Variants in AGXT observed in about 807,000 individuals in gnomAD.
AGXT encodes the protein L-alanine: glyoxylate aminotransferase 1.
AGXT carries 41 observed loss-of-function variants against 46.9 expected under a neutral mutation model. The ratio of observed to expected loss-of-function variants is 0.88; its 90% confidence interval spans 0.68 to 1.14. The LOEUF (loss-of-function observed/expected upper bound fraction) is 1.14, where lower values mean the gene tolerates loss of function less well. Ranked by LOEUF, AGXT falls within the 50% of genes most tolerant of loss-of-function variation. AGXT has a pLI of 0.00. For synonymous variants in AGXT, 244 were observed against 227.9 expected, an observed-to-expected ratio of 1.07 and a Z score of -0.64; for missense variants, 525 against 522.7, an observed-to-expected ratio of 1.00 and a Z score of -0.04.
chr2:240,872,524 G>T (rs1490688638), intron 4 of AGXT, among the ~76,000 whole-genome samples: 1 of 152,100 alleles, frequency 6.6e-6, no homozygotes, highest in African/African-American at 2.4e-5. Flanking sequence ...TGCTTGGGCT[G>T]TTCTGGGACT....
intron 8 of AGXT, among the ~76,000 whole-genome samples, chr2:240,876,641 T>G (rs1357140398): frequency 2.0e-5 from 3 of 152,224 alleles, no homozygotes; most frequent in Non-Finnish European, 4.4e-5. Flanking sequence ...ATCCCCGGGC[T>G]GCAGCCAGCT....
chr2:240,871,435 G>T lies in AGXT; in HGVS notation c.510G>T (p.Gly170=), dbSNP rs965707125. ...TGVLQPLDGF[G]ELCHRYKCLL... is the part of the protein sequence containing the mutation. ...TGCTGCAGCCCCTTGATGGCTTCGGGGAACTCTGCCACAGGTGAGCCTGGC... is the reference window on the plus strand; with the variant it reads ...TGCTGCAGCCCCTTGATGGCTTCGGTGAACTCTGCCACAGGTGAGCCTGGC... The change falls in exon 4 of 11, where the codon GGG becomes GGT. Residue 170 remains glycine, a synonymous_variant. Coordinates refer to ENST00000307503, the MANE Select transcript of AGXT (RefSeq NM_000030.3). 6 of 1,592,194 alleles carry T rather than the reference G, an allele frequency of 3.8e-6. No individual in the cohort carries two copies. Among genetic ancestry groups the T allele is most frequent in the Non-Finnish European group, 5.1e-6 (6 of 1,169,910 alleles).
Position 240,879,150 on chromosome 2 carries a change from G to A in AGXT, c.*329G>A. The stretch of plus-strand genomic sequence containing the variant: ...TGGGGTGGTCTGTGAAAGAGTGAGA[G>A]GAGAGCATCTCTGCTCCCTGAGCTG... On this transcript the variant is annotated 3_prime_UTR_variant, in exon 11 of 11. Coordinates refer to ENST00000307503, the MANE Select transcript of AGXT (RefSeq NM_000030.3). The A allele has an allele frequency of 2.2e-6, 1 of 450,074 alleles. No homozygotes were observed. The highest frequency in any genetic ancestry group is 4.1e-6 in the Non-Finnish European group (1 of 243,132). 27.9% of individuals were successfully genotyped at this position (450,074 alleles called of 1,614,324 possible). A position where few individuals can be genotyped will look rare whatever the true frequency, so the allele number is the denominator to read the frequency against.
In AGXT at chr2:240,878,024, G is replaced by T. The variant is rs372529853; in HGVS notation, c.945G>T (p.Ala315=). The T allele has an allele frequency of 6.2e-7, 1 of 1,611,330 alleles. No homozygotes were observed. Among genetic ancestry groups the T allele is most frequent in the Non-Finnish European group, 8.5e-7 (1 of 1,179,978 alleles). Residue 315 remains alanine, a splice_region_variant and synonymous_variant, in exon 10 of 11, where the codon GCG becomes GCT. Coordinates refer to ENST00000307503, the MANE Select transcript of AGXT (RefSeq NM_000030.3). ...LGLQLFVKDP[A]LRLPTVTTVA... ...ACTGAGCCAGGCCCCTCCTGCAGGCGCTCCGGCTTCCCACAGTCACCACTG... is the reference window on the plus strand; with the variant it reads ...ACTGAGCCAGGCCCCTCCTGCAGGCTCTCCGGCTTCCCACAGTCACCACTG...
intron 9 of AGXT, 40 bp downstream of exon 9, chr2:240,877,672 G>C (rs1181121875): frequency 1.3e-6 from 2 of 1,542,664 alleles, no homozygotes; most frequent in Admixed American, 3.9e-5. Flanking sequence ...TGCACCCATG[G>C]GGAAGGATGA....
At chr2:240,871,133 C>T (rs921308291) in intron 3 of AGXT, 13 of 615,164 alleles carry the variant, frequency 2.1e-5, no homozygotes, top group Non-Finnish European at 3.8e-5. Flanking sequence ...GCTGGGGGCA[C>T]CCTCCTCCAT....
Position 240,880,354 on chromosome 2 carries a change from C to G in AGXT, c.*1533C>G, listed in dbSNP as rs1311707892. The G allele has an allele frequency of 1.3e-5, 2 of 152,002 alleles. No individual in the cohort carries two copies. Among genetic ancestry groups the G allele is most frequent in the Non-Finnish European group, 2.9e-5 (2 of 68,018 alleles). 9.4% of individuals were successfully genotyped at this position (152,002 alleles called of 1,614,324 possible). ...GTTTTAGTTTGCATTTCCCTGATGC[C>G]TATTGATGTTGAGCAACTTCTCATG... On this transcript the variant is annotated 3_prime_UTR_variant, in exon 11 of 11. Coordinates refer to ENST00000307503, the MANE Select transcript of AGXT (RefSeq NM_000030.3).
chr2:240,878,270 C>A, intron 10 of AGXT, 120 bp downstream of exon 10: 2 of 1,418,468 alleles, frequency 1.4e-6, no homozygotes, highest in African/African-American at 1.4e-5. Flanking sequence ...ATTGCAGGAG[C>A]GTCCAGAAGG....
intron 10 of AGXT, among the ~76,000 whole-genome samples, chr2:240,878,384 C>T (rs963474733): frequency 2.6e-5 from 4 of 152,254 alleles, no homozygotes; most frequent in African/African-American, 9.6e-5. Context: ...CCACTCGGAA[C>T]ATCCTTCCTT....
At chr2:240,870,819 C>T in intron 3 of AGXT, 111 bp downstream of exon 3, 2 of 1,094,110 alleles carry the variant, frequency 1.8e-6, no homozygotes, top group South Asian at 2.9e-5. Flanking sequence ...GGCCGGGAGG[C>T]TGGTGGCTGA....
chr2:240,875,917 C>T lies in AGXT; in HGVS notation c.777-18C>T, dbSNP rs1367920511. 1 of 1,613,938 alleles carries T rather than the reference C, an allele frequency of 6.2e-7. No individual in the cohort carries two copies. The highest frequency in any genetic ancestry group is 1.3e-5 in the African/African-American group (1 of 74,940). ...ACCCTGCCCATGGTGCTGGACCAAG[C>T]CCCCTCGTGTCTTCCAGGTACCATC... On this transcript the variant is annotated intron_variant, in intron 7 of 10. Coordinates refer to ENST00000307503, the MANE Select transcript of AGXT (RefSeq NM_000030.3).
chr2:240,875,786 G>A (rs2059021501), intron 7 of AGXT, 149 bp from the exon 8 acceptor site: 1 of 886,250 alleles, frequency 1.1e-6, no homozygotes, highest in Admixed American at 2.1e-5. Context: ...CCGGTCCAAA[G>A]TTCTGAACCC....
rs1471002630 is a variant in AGXT at position 240,879,254 on chromosome 2, C to G, written c.*433C>G. ...TCCTCCCCTGGAGGAGGTGCTGTCA[C>G]CACACTCTAGCCCCAGATGTCACAC... is the stretch of plus-strand genomic sequence containing the variant. On this transcript the variant is annotated 3_prime_UTR_variant, in exon 11 of 11. Coordinates refer to ENST00000307503, the MANE Select transcript of AGXT (RefSeq NM_000030.3). The G allele has an allele frequency of 7.1e-5, 19 of 265,918 alleles. No homozygotes were observed. The Admixed American group carries it at 9.7e-4, about 14-fold the overall frequency. The allele number at this position is 265,918 out of a possible 1,614,324, so 16.5% of individuals were successfully genotyped here.
Position 240,874,021 on chromosome 2 carries a change from C to A in AGXT, c.639C>A (p.Ala213=). 1 of 1,613,766 alleles carries A rather than the reference C, an allele frequency of 6.2e-7. No homozygotes were observed. The highest frequency in any genetic ancestry group is 8.5e-7 in the Non-Finnish European group (1 of 1,180,034). ...LYSGSQKALN[A]PPGTSLISFS... Reference sequence around the variant, plus strand: ...CGGGCTCCCAGAAGGCCCTGAACGCCCCTCCAGGGACCTCGCTCATCTCCT... The same window carrying A: ...CGGGCTCCCAGAAGGCCCTGAACGCACCTCCAGGGACCTCGCTCATCTCCT... Residue 213 remains alanine (A), a synonymous_variant, in exon 6 of 11, where the codon GCC becomes GCA. Coordinates refer to ENST00000307503, the MANE Select transcript of AGXT (RefSeq NM_000030.3).
At position 240,871,391 on chromosome 2, in the gene AGXT, G is replaced by C. The variant is rs121908530; in HGVS notation, c.466G>C (p.Gly156Arg). 6.2e-7 allele frequency: 1 copy of C among 1,600,366 alleles called. No individual in the cohort carries two copies. The highest frequency in any genetic ancestry group is 8.5e-7 in the Non-Finnish European group (1 of 1,174,280). Residue 156 changes from glycine to arginine, a missense_variant, in exon 4 of 11, where the codon GGG becomes CGG. By Grantham distance (125) the Gly-to-Arg change is moderately radical. Coordinates refer to ENST00000307503, the MANE Select transcript of AGXT (RefSeq NM_000030.3). ...HKPVLLFLTH[G>R]ESSTGVLQPL... The stretch of plus-strand genomic sequence containing the variant: ...GCCAGTGCTGCTGTTCTTAACCCAC[G>C]GGGAGTCGTCCACCGGCGTGCTGCA...
In AGXT at chr2:240,875,998, G is replaced by C. The variant is rs143295006; in HGVS notation, c.840G>C (p.Ala280=). 7 of 1,613,960 alleles carry C rather than the reference G, an allele frequency of 4.3e-6. No individual in the cohort carries two copies. The African/African-American group carries it at 6.7e-5, about 15-fold the overall frequency. The change falls in exon 8 of 11, where the codon GCG becomes GCC. Residue 280 remains alanine (A), a synonymous_variant. Coordinates refer to ENST00000307503, the MANE Select transcript of AGXT (RefSeq NM_000030.3). Reference sequence around the variant, plus strand: ...TGAGAGAGAGCCTGGCCCTCATTGCGGAACAGGTGCATGGGCTGCACTCCA... The same window carrying C: ...TGAGAGAGAGCCTGGCCCTCATTGCCGAACAGGTGCATGGGCTGCACTCCA... ...YSLRESLALI[A]EQGLENSWRQ...
intron 4 of AGXT, among the ~76,000 whole-genome samples, 188 bp downstream of exon 4, chr2:240,871,637 C>G (rs1204570604): frequency 6.6e-6 from 1 of 152,210 alleles, no homozygotes; most frequent in Non-Finnish European, 1.5e-5. Context: ...CCCCAGGTCC[C>G]AGGGCAGGCT....
chr2:240,880,150 G>A lies in AGXT; in HGVS notation c.*1329G>A, dbSNP rs1324644759. 6.6e-6 allele frequency: 1 copy of A among 152,162 alleles called. No individual in the cohort carries two copies. 9.4% of individuals were successfully genotyped at this position (152,162 alleles called of 1,614,324 possible). A position where few individuals can be genotyped will look rare whatever the true frequency, so the allele number is the denominator to read the frequency against. On this transcript the variant is annotated 3_prime_UTR_variant, in exon 11 of 11. Coordinates refer to ENST00000307503, the MANE Select transcript of AGXT (RefSeq NM_000030.3). The stretch of plus-strand genomic sequence containing the variant: ...TTCATTTTTCTTGGATAAATAACTA[G>A]GAGTGGAATTGCAGGGTCATACAAT...
chr2:240,878,636 T>G, intron 10 of AGXT, 78 bp from the exon 11 acceptor site: 1 of 1,397,396 alleles, frequency 7.2e-7, no homozygotes, highest in Non-Finnish European at 9.8e-7. Context: ...GAGCCCATCC[T>G]GGCTCTGGCC....
Sources: gnomAD v4.1 joint callset for allele counts (sites outside exome capture counted in the v4.1 genomes callset) on GRCh38, gnomAD v4.1.1 for gene constraint, MANE v1.5 for transcripts, NCBI Gene and HGNC (gene_info 2026-07-23, HGNC 2026-07-21) for gene names.